SLC35F3: variants seen among roughly 807,000 people sequenced by gnomAD.
The protein encoded by SLC35F3 is putative thiamine transporter SLC35F3.
In SLC35F3, 25 loss-of-function variants were observed where a neutral mutation model predicts 49.9. The observed-to-expected ratio is 0.50, with a 90% CI of 0.37 to 0.70. SLC35F3 has a LOEUF of 0.70. SLC35F3 is among the 30% of genes least tolerant of loss of function. SLC35F3 has a pLI of 0.00. For synonymous variants in SLC35F3, 275 were observed against 265.4 expected, an observed-to-expected ratio of 1.04 and a Z score of -0.35; for missense variants, 525 against 639.8, an observed-to-expected ratio of 0.82 and a Z score of 1.94.
intron 2 of SLC35F3, among the ~76,000 whole-genome samples, chr1:234,112,722 A>ATTTTTTT (rs1157248348): frequency 8.9e-5 from 3 of 33,558 alleles, no homozygotes; most frequent in Non-Finnish European, 1.5e-4. Flanking sequence ...TGCCCAGCTA[A>ATTTTTTT]TTTTTTTTTT....
At chr1:234,153,796 G>A (rs576877356) in intron 2 of SLC35F3, among the ~76,000 whole-genome samples, 9 of 151,842 alleles carry the variant, frequency 5.9e-5, no homozygotes, top group South Asian at 2.1e-4. Context: ...GGTGGGGGCC[G>A]GACGCAGTGG....
chr1:234,111,159 T>C (rs1321424266), intron 2 of SLC35F3, among the ~76,000 whole-genome samples: 1 of 152,118 alleles, frequency 6.6e-6, no homozygotes, highest in Non-Finnish European at 1.5e-5. Context: ...ATTTAATTTT[T>C]AATTATTTAA....
At chr1:234,031,931 A>G (rs1664068590) in intron 2 of SLC35F3, among the ~76,000 whole-genome samples, 1 of 152,220 alleles carries the variant, frequency 6.6e-6, no homozygotes, top group Non-Finnish European at 1.5e-5. Context: ...GGACAAATAC[A>G]TGAATCAAAT....
At chr1:234,163,034 C>T (rs1446676169) in intron 2 of SLC35F3, among the ~76,000 whole-genome samples, 1 of 152,202 alleles carries the variant, frequency 6.6e-6, no homozygotes, top group Non-Finnish European at 1.5e-5. Context: ...TCTGTAAAGA[C>T]TCCACTCTCC....
At chr1:234,172,192 A>G (rs1666408829) in intron 2 of SLC35F3, among the ~76,000 whole-genome samples, 1 of 152,146 alleles carries the variant, frequency 6.6e-6, no homozygotes, top group Non-Finnish European at 1.5e-5. Flanking sequence ...GTGCCTTGCA[A>G]TAGGGTCAGT....
chr1:234,243,284 G>A (rs955231861), intron 3 of SLC35F3, among the ~76,000 whole-genome samples: 1 of 152,162 alleles, frequency 6.6e-6, no homozygotes, highest in Admixed American at 6.5e-5. Flanking sequence ...GAACCTGGGA[G>A]ACAGAGGTTG....
intron 2 of SLC35F3, among the ~76,000 whole-genome samples, chr1:234,178,010 C>A (rs1666501714): frequency 6.6e-6 from 1 of 152,200 alleles, no homozygotes; most frequent in Non-Finnish European, 1.5e-5. Context: ...TTACTTATCA[C>A]ACTGTAACCC....
Position 233,926,197 on chromosome 1 carries a change from A to T in SLC35F3, c.283+20439A>T, listed in dbSNP as rs868202317. 1.6e-4 allele frequency among the ~76,000 whole-genome samples: 24 copies of T among 152,202 alleles called. No individual in the cohort carries two copies. The Middle Eastern group carries it at 0.01, about 65-fold the overall frequency. Reference sequence around the variant, plus strand: ...GTTGGCCTGCCTTGCTAGATTGGGGAAGTTCTCCTGGATAACATCCTGAAG... The same window carrying T: ...GTTGGCCTGCCTTGCTAGATTGGGGTAGTTCTCCTGGATAACATCCTGAAG... On this transcript the variant is annotated intron_variant, in intron 2 of 7. Coordinates refer to ENST00000366618, the MANE Select transcript of SLC35F3 (RefSeq NM_173508.4).
intron 2 of SLC35F3, among the ~76,000 whole-genome samples, chr1:234,058,011 G>A (rs1664480680): frequency 6.6e-6 from 1 of 152,062 alleles, no homozygotes; most frequent in Non-Finnish European, 1.5e-5. Context: ...CCGGCCATGT[G>A]TCTTTCTTCT....
chr1:234,094,000 C>G (rs886404501), intron 2 of SLC35F3, among the ~76,000 whole-genome samples: 8 of 152,204 alleles, frequency 5.3e-5, no homozygotes, highest in Admixed American at 2.6e-4. Flanking sequence ...CAGCAGACCG[C>G]CCAGACGGCC....
chr1:234,266,532 T>C (rs1667980321), intron 3 of SLC35F3, among the ~76,000 whole-genome samples: 1 of 152,234 alleles, frequency 6.6e-6, no homozygotes, highest in Non-Finnish European at 1.5e-5. Context: ...ATCCATACAG[T>C]CTTCCATCAT....
At chr1:234,269,419 G>C (rs1668063064) in intron 3 of SLC35F3, among the ~76,000 whole-genome samples, 1 of 152,144 alleles carries the variant, frequency 6.6e-6, no homozygotes, top group Non-Finnish European at 1.5e-5. Context: ...ATCAAATGCA[G>C]GGCTAATTTA....
At chr1:233,995,737 C>T (rs1260441363) in intron 2 of SLC35F3, among the ~76,000 whole-genome samples, 4 of 152,158 alleles carry the variant, frequency 2.6e-5, no homozygotes, top group Non-Finnish European at 4.4e-5. Context: ...CATCTGGGCA[C>T]CCCATTGTTA....
At chr1:234,239,650 G>C (rs1667523391) in intron 3 of SLC35F3, among the ~76,000 whole-genome samples, 3 of 152,186 alleles carry the variant, frequency 2.0e-5, no homozygotes, top group African/African-American at 7.2e-5. Flanking sequence ...GAAAGAAGTG[G>C]GTCAGCGCTA....
intron 3 of SLC35F3, chr1:234,268,689 C>T (rs1236257854): frequency 6.6e-6 from 1 of 152,210 alleles, no homozygotes; most frequent in East Asian, 1.9e-4. Context: ...ACCATGTCTA[C>T]CCAAGACTGA....
intron 2 of SLC35F3, among the ~76,000 whole-genome samples, chr1:234,055,801 T>G (rs1038613786): frequency 2.6e-5 from 4 of 152,246 alleles, no homozygotes; most frequent in African/African-American, 4.8e-5. Flanking sequence ...TATTTTGTTT[T>G]TGATAGAGAT....
At chr1:233,959,293 A>G (rs1323507375) in intron 2 of SLC35F3, among the ~76,000 whole-genome samples, 3 of 152,072 alleles carry the variant, frequency 2.0e-5, no homozygotes, top group Non-Finnish European at 2.9e-5. Context: ...AGTTCCAGCA[A>G]TGAATAATCT....
At chr1:234,226,961 G>GCGCACACACACA (rs141422884) in intron 2 of SLC35F3, among the ~76,000 whole-genome samples, 68 of 148,742 alleles carry the variant, frequency 4.6e-4, no homozygotes, top group South Asian at 4.5e-3. Flanking sequence ...GCGCACGCGT[G>GCGCACACACACA]CACACACACA....
intron 2 of SLC35F3, among the ~76,000 whole-genome samples, chr1:234,055,185 G>A (rs969373829): frequency 1.3e-5 from 2 of 152,156 alleles, no homozygotes; most frequent in African/African-American, 4.8e-5. Flanking sequence ...AGGCAGAGAC[G>A]TTTAAGTCTG....
Sources: gnomAD v4.1 joint callset for allele counts (sites outside exome capture counted in the v4.1 genomes callset) on GRCh38, gnomAD v4.1.1 for gene constraint, MANE v1.5 for transcripts, NCBI Gene and HGNC (gene_info 2026-07-23, HGNC 2026-07-21) for gene names.